The following SLC45A4 variants were observed in gnomAD, a reference collection of about 807,000 sequenced individuals.
The protein encoded by SLC45A4 is polyamine-transporter SLC45A4.
In SLC45A4, 32 loss-of-function variants were observed where a neutral mutation model predicts 63.7. That is an observed-to-expected ratio of 0.50 (90% confidence interval 0.38 to 0.67). The LOEUF (loss-of-function observed/expected upper bound fraction) is 0.67. Ranked by LOEUF, SLC45A4 falls within the 30% of genes least tolerant of loss-of-function variation. The pLI, the probability that SLC45A4 is intolerant of heterozygous loss-of-function variation, is 0.00. For missense variants in SLC45A4, 1,027 were observed against 1,157.7 expected (o/e 0.89, Z 1.64); for synonymous variants, 535 against 510.0 (o/e 1.05, Z -0.66).
rs779710598 is a variant in SLC45A4, at chr8:141,217,076, TGG to T, written c.1729+12_1729+13del. On this transcript the variant is annotated intron_variant, in intron 6 of 8. Coordinates refer to ENST00000517878, the MANE Select transcript of SLC45A4 (RefSeq NM_001286646.2). ...CTGGGGTGCGAGTGCTGACCTGACT[TGG>T]GGAGCTCTTACCTGAACAAATAGCA... is the stretch of plus-strand genomic sequence containing the variant. The T allele has an allele frequency of 1.2e-6, 2 of 1,613,368 alleles. No homozygotes were observed. The highest frequency in any genetic ancestry group is 2.2e-5 in the South Asian group (2 of 91,076).
At chr8:141,306,257 C>G (rs1313709988) in intron 1 of SLC45A4, among the ~76,000 whole-genome samples, 1 of 152,208 alleles carries the variant, frequency 6.6e-6, no homozygotes, top group Non-Finnish European at 1.5e-5. Flanking sequence ...CTTTAAATAC[C>G]CAGTGTGTAT....
Position 141,218,607 on chromosome 8 carries a change from G to T in SLC45A4, c.1033C>A (p.Arg345Ser), listed in dbSNP as rs138770433. The T allele has an allele frequency of 6.2e-7, 1 of 1,612,922 alleles. No individual in the cohort carries two copies. The highest frequency in any genetic ancestry group is 1.1e-5 in the South Asian group (1 of 91,050). The change falls in exon 5 of 9, where the codon CGC (arginine) becomes AGC (serine). Residue 345 changes from arginine to serine, a missense_variant. Transcript: ENST00000517878. ...TTGGCGAGCTCCTGGCTGGTGCTGC[G>T]GGGGGTGGCGGGGTAGGAGGCGTCG... Reference protein sequence around the residue: ...FHDASYPATPRSTSQELAKTK... With the variant: ...FHDASYPATPSSTSQELAKTK...
intron 1 of SLC45A4, among the ~76,000 whole-genome samples, chr8:141,259,341 C>T (rs945020192): frequency 6.6e-6 from 1 of 152,236 alleles, no homozygotes; most frequent in Non-Finnish European, 1.5e-5. Flanking sequence ...CACGTTCAGC[C>T]GTGCACACAG....
Position 141,308,129 on chromosome 8 carries a change from G to GGAC in SLC45A4, c.-435_-434insGTC, listed in dbSNP as rs1830961198. The GGAC allele has an allele frequency of 6.8e-6, 1 of 147,864 alleles. No homozygotes were observed. Among genetic ancestry groups the GGAC allele is most frequent in the African/African-American group, 2.5e-5 (1 of 40,784 alleles). The allele number at this position is 147,864 out of a possible 1,614,324, so 9.2% of individuals were successfully genotyped here. On this transcript the variant is annotated 5_prime_UTR_variant, in exon 1 of 9. Transcript: ENST00000517878. ...TCCGGCCGGGGCCGCGGGGGCGGCG[G>GGAC]GGCGGCCGGGCCGGGCCGGGCAGGG...
intron 2 of SLC45A4, among the ~76,000 whole-genome samples, chr8:141,223,625 G>A (rs958241216): frequency 3.3e-5 from 5 of 152,192 alleles, no homozygotes; most frequent in South Asian, 2.1e-4. Flanking sequence ...CTGTAGCAGC[G>A]CGCTGGTTCT....
intron 1 of SLC45A4, among the ~76,000 whole-genome samples, chr8:141,258,481 C>A (rs1284355602): frequency 6.6e-6 from 1 of 152,232 alleles, no homozygotes; most frequent in Non-Finnish European, 1.5e-5. Context: ...CCCAGGCAAC[C>A]ATCGGCCTCT....
chr8:141,212,299 C>T lies in SLC45A4; in HGVS notation c.2199G>A (p.Pro733=), dbSNP rs199863585. 5.8e-5 allele frequency: 93 copies of T among 1,608,258 alleles called. No individual in the cohort carries two copies. The highest frequency in any genetic ancestry group is 2.5e-4 in the South Asian group (23 of 90,910). Residue 733 remains proline (P), a synonymous_variant, in exon 8 of 9, where the codon CCG becomes CCA. Coordinates refer to ENST00000517878, the MANE Select transcript of SLC45A4 (RefSeq NM_001286646.2). The part of the protein sequence containing the change: ...AKEEQKGLSS[P]LAGEGRAGGN... ...CACCGGCCCTGCCTTCGCCGGCCAA[C>T]GGGGAAGACAGGCCTTTCTGCTCCT...
intron 1 of SLC45A4, among the ~76,000 whole-genome samples, chr8:141,293,073 T>C (rs7012738): frequency 0.043 from 6,544 of 152,276 alleles, 194 homozygotes; most frequent in Middle Eastern, 0.085. Flanking sequence ...CCCACCCCCC[T>C]ACTGAGGCTG....
intron 1 of SLC45A4, among the ~76,000 whole-genome samples, chr8:141,267,119 C>T (rs1589832955): frequency 6.6e-6 from 1 of 152,232 alleles, no homozygotes; most frequent in African/African-American, 2.4e-5. Context: ...AATCTGTGTG[C>T]GCATATAGCA....
chr8:141,266,131 CAGG>C (rs970444337), intron 1 of SLC45A4, among the ~76,000 whole-genome samples: 3 of 152,228 alleles, frequency 2.0e-5, no homozygotes, highest in African/African-American at 4.8e-5. Flanking sequence ...TCAACAGCGA[CAGG>C]AGAATTCCGT....
chr8:141,237,545 C>G (rs1304532708), intron 2 of SLC45A4, among the ~76,000 whole-genome samples: 2 of 152,180 alleles, frequency 1.3e-5, no homozygotes, highest in African/African-American at 4.8e-5. Flanking sequence ...TAGAAGCGAG[C>G]AGGTAATGCC....
At chr8:141,280,645 T>A (rs1019961) in intron 1 of SLC45A4, among the ~76,000 whole-genome samples, 1 of 152,184 alleles carries the variant, frequency 6.6e-6, no homozygotes, top group African/African-American at 2.4e-5. Flanking sequence ...GGTGCTAGGC[T>A]GGCCCACCCT....
chr8:141,229,098 C>T lies in SLC45A4; in HGVS notation c.242-7333G>A, dbSNP rs1038473819. Among the ~76,000 whole-genome samples the T allele has an allele frequency of 4.6e-5, 7 of 152,180 alleles. No individual in the cohort carries two copies. The highest frequency in any genetic ancestry group is 1.4e-4 in the African/African-American group (6 of 41,426). On this transcript the variant is annotated intron_variant, in intron 2 of 8. Transcript: ENST00000517878. This position sits in a 1 kb window ranked among gnomAD's most constrained non-coding sequence, Gnocchi z 5.0. The stretch of plus-strand genomic sequence containing the variant: ...TCTGCCTGAAGTACTTTACCTTCCC[C>T]CCTTACCTGACATTCAATAACTGCT...
intron 1 of SLC45A4, among the ~76,000 whole-genome samples, chr8:141,302,798 C>T (rs997529475): frequency 3.9e-5 from 6 of 152,110 alleles, no homozygotes; most frequent in African/African-American, 1.4e-4. Context: ...TCTTAATATG[C>T]GATTTCATCT....
At chr8:141,281,834 T>G (rs1256984079) in intron 1 of SLC45A4, among the ~76,000 whole-genome samples, 7 of 152,198 alleles carry the variant, frequency 4.6e-5, no homozygotes, top group Admixed American at 3.3e-4. Flanking sequence ...ATATTTTTGG[T>G]TTAGAAAACG....
chr8:141,232,856 G>A (rs1827435689), intron 2 of SLC45A4, among the ~76,000 whole-genome samples: 1 of 152,226 alleles, frequency 6.6e-6, no homozygotes, highest in African/African-American at 2.4e-5. Context: ...CCGGGTGAAC[G>A]CTCACGACCA....
intron 1 of SLC45A4, among the ~76,000 whole-genome samples, chr8:141,293,351 G>C (rs1589860516): frequency 6.6e-6 from 1 of 152,162 alleles, no homozygotes; most frequent in East Asian, 1.9e-4. Flanking sequence ...CTACTTGGGA[G>C]GCTGAGGCAA....
rs553278834 is a variant in SLC45A4 at position 141,237,817 on chromosome 8, G to A, written c.242-16052C>T. On this transcript the variant is annotated intron_variant, in intron 2 of 8. Transcript: ENST00000517878. ...GTGAGCTGGAGGCCTCAGGCTGCCC[G>A]TTTCACCTCCAGCCCTGGGCACAAT... Among the ~76,000 whole-genome samples the A allele has an allele frequency of 6.6e-5, 10 of 152,222 alleles. 1 individual carries two copies. The South Asian group carries it at 2.1e-3, about 32-fold the overall frequency.
chr8:141,230,191 G>A, intron 2 of SLC45A4: 1 of 452,098 alleles, frequency 2.2e-6, no homozygotes, highest in Non-Finnish European at 4.4e-6. Context: ...AGAAGCACAG[G>A]CCTCTGTTTC....
Sources: gnomAD v4.1 joint callset for allele counts (sites outside exome capture counted in the v4.1 genomes callset) on GRCh38, gnomAD v4.1.1 for gene constraint, Gnocchi (gnomAD v3.1) non-coding constraint, MANE v1.5 for transcripts, NCBI Gene and HGNC (gene_info 2026-07-23, HGNC 2026-07-21) for gene names.